The following BAIAP2 variants were observed in gnomAD, a reference collection of about 807,000 sequenced individuals.
BAIAP2 encodes BAR/IMD domain containing adaptor protein 2.
BAIAP2 carries 18 observed loss-of-function variants against 63.0 expected under a neutral mutation model. That is an observed-to-expected ratio of 0.29 (90% CI 0.20 to 0.42). The LOEUF is 0.42. Among genes scored for constraint, BAIAP2 ranks in the 10% least tolerant of loss-of-function variants. BAIAP2 has a pLI of 1.00. For missense variants in BAIAP2, 610 were observed against 734.3 expected (o/e 0.83, Z 1.96); for synonymous variants, 386 against 307.6 (o/e 1.25, Z -2.67).
intron 4 of BAIAP2, chr17:81,085,117 A>G: frequency 1.7e-6 from 1 of 589,758 alleles, no homozygotes; most frequent in South Asian, 2.0e-5. Context: ...CTGCAGTGGC[A>G]GCCATGACAC....
At chr17:81,103,873 C>T (rs752098024) in intron 8 of BAIAP2, 34 bp from the exon 9 acceptor site, 8 of 1,609,630 alleles carry the variant, frequency 5.0e-6, no homozygotes, top group Non-Finnish European at 6.8e-6. Context: ...GGGGTGGGCT[C>T]CAGCAACAGC....
intron 6 of BAIAP2, among the ~76,000 whole-genome samples, chr17:81,091,166 A>G (rs1166770779): frequency 2.2e-3 from 207 of 95,064 alleles, no homozygotes; most frequent in Non-Finnish European, 3.7e-3. Flanking sequence ...CCTCCAGTGC[A>G]CCCCACCCCC....
At position 81,109,796 on chromosome 17, in the gene BAIAP2, C is replaced by T. The variant is rs530288712; in HGVS notation, c.1535+1287C>T. ...TGGCCGCACACGGACATTCCAAAGA[C>T]CTCCAGAGACCACCCCACCCCCACA... On this transcript the variant is annotated intron_variant, in intron 13 of 13. Coordinates refer to ENST00000428708, the MANE Select transcript of BAIAP2 (RefSeq NM_001144888.2). The T allele has an allele frequency of 9.1e-6, 9 of 985,436 alleles. 1 individual carries two copies. Among genetic ancestry groups the T allele is most frequent in the East Asian group, 1.1e-4 (1 of 8,818 alleles). The allele number at this position is 985,436 out of a possible 1,614,324, so 61.0% of individuals were successfully genotyped here.
At chr17:81,112,571 C>T (rs922622715) in intron 13 of BAIAP2, among the ~76,000 whole-genome samples, 2 of 152,240 alleles carry the variant, frequency 1.3e-5, no homozygotes, top group African/African-American at 4.8e-5. Flanking sequence ...CCCAAGCGCC[C>T]ACGCTGGACC....
intron 3 of BAIAP2, among the ~76,000 whole-genome samples, chr17:81,071,071 C>T (rs560276446): frequency 1.2e-4 from 18 of 151,542 alleles, no homozygotes; most frequent in African/African-American, 3.9e-4. Context: ...CGTCAGCTAC[C>T]GTCATCACCA....
At position 81,046,307 on chromosome 17, in the gene BAIAP2, G is replaced by T. The variant is rs558780408; in HGVS notation, c.55-7361G>T. Among the ~76,000 whole-genome samples the T allele has an allele frequency of 1.5e-3, 227 of 152,148 alleles. No individual in the cohort carries two copies. The highest frequency in any genetic ancestry group is 5.3e-3 in the African/African-American group (220 of 41,502). ...GTACATGTGTTTGTAGTTTGTCTCC[G>T]ACTCAAACCAAGTAAGATGCAGTTC... On this transcript the variant is annotated intron_variant, in intron 1 of 13. Transcript: ENST00000428708. This position sits in a 1 kb window ranked among gnomAD's most constrained non-coding sequence, Gnocchi z 4.5.
chr17:81,069,900 A>G (rs118001767), intron 3 of BAIAP2, among the ~76,000 whole-genome samples: 1,600 of 152,146 alleles, frequency 0.011, 24 homozygotes, highest in Non-Finnish European at 0.016. Context: ...TTGGAGATGC[A>G]CTTGTTGTAC....
intron 2 of BAIAP2, chr17:81,057,293 G>C (rs573147629): frequency 6.6e-6 from 1 of 152,410 alleles, no homozygotes; most frequent in African/African-American, 2.4e-5. Flanking sequence ...AGCAGGCCCG[G>C]AGCCCTTCAC....
intron 1 of BAIAP2, among the ~76,000 whole-genome samples, chr17:81,052,693 G>A (rs912218635): frequency 7.2e-5 from 11 of 152,168 alleles, no homozygotes; most frequent in Non-Finnish European, 1.6e-4. Context: ...CTGTTCTCTT[G>A]GCTTCGGAGG....
chr17:81,093,860 A>T (rs2057211951), intron 6 of BAIAP2, among the ~76,000 whole-genome samples: 1 of 152,176 alleles, frequency 6.6e-6, no homozygotes, highest in Non-Finnish European at 1.5e-5. Context: ...GAGTCTGGCG[A>T]CGTGCGGGGG....
At position 81,108,743 on chromosome 17, in the gene BAIAP2, C is replaced by T. The variant is rs143878124; in HGVS notation, c.1535+234C>T. 1.4e-4 allele frequency: 123 copies of T among 881,034 alleles called. No homozygotes were observed. The East Asian group carries it at 3.3e-3, about 23-fold the overall frequency. 54.6% of individuals were successfully genotyped at this position (881,034 alleles called of 1,614,324 possible). A position where few individuals can be genotyped will look rare whatever the true frequency, so the allele number is the denominator to read the frequency against. Reference sequence around the variant, plus strand: ...ATCGCATCTGGCCGGCCCCATCCATCCCTGTCAGGCAAGGTTGGGGAGGGT... The same window carrying T: ...ATCGCATCTGGCCGGCCCCATCCATTCCTGTCAGGCAAGGTTGGGGAGGGT... On this transcript the variant is annotated intron_variant, in intron 13 of 13. Coordinates refer to ENST00000428708, the MANE Select transcript of BAIAP2 (RefSeq NM_001144888.2).
At chr17:81,099,503 C>G (rs2058201789) in intron 6 of BAIAP2, among the ~76,000 whole-genome samples, 1 of 152,162 alleles carries the variant, frequency 6.6e-6, no homozygotes, top group South Asian at 2.1e-4. Context: ...CTCCAGGCAA[C>G]AGGGGGAAGG....
At chr17:81,081,500 T>C (rs1332250252) in intron 3 of BAIAP2, among the ~76,000 whole-genome samples, 1 of 152,134 alleles carries the variant, frequency 6.6e-6, no homozygotes, top group African/African-American at 2.4e-5. Flanking sequence ...TTCCCTCTCT[T>C]GTGGGGTCTG....
intron 13 of BAIAP2, chr17:81,110,289 C>T: frequency 1.0e-6 from 1 of 986,048 alleles, no homozygotes; most frequent in South Asian, 4.7e-5. Flanking sequence ...CGGACCGGGC[C>T]CTGTGTAGAG....
intron 3 of BAIAP2, among the ~76,000 whole-genome samples, chr17:81,065,675 G>A (rs530565003): frequency 1.3e-5 from 2 of 152,256 alleles, no homozygotes; most frequent in African/African-American, 4.8e-5. Flanking sequence ...GAGGCTGGGC[G>A]CACAGAGCTG....
At chr17:81,103,437 G>T in intron 7 of BAIAP2, 65 bp from the exon 8 acceptor site, 2 of 1,447,388 alleles carry the variant, frequency 1.4e-6, no homozygotes, top group South Asian at 1.2e-5. Context: ...GGCCCTCAGC[G>T]CTGTGCCTGG....
In BAIAP2 at chr17:81,046,422, A is replaced by G. The variant is rs2047814802; in HGVS notation, c.55-7246A>G. Among the ~76,000 whole-genome samples, 1 of 151,966 alleles carries G rather than the reference A, an allele frequency of 6.6e-6. No individual in the cohort carries two copies. Among genetic ancestry groups the G allele is most frequent in the Non-Finnish European group, 1.5e-5 (1 of 67,954 alleles). On this transcript the variant is annotated intron_variant, in intron 1 of 13. Transcript: ENST00000428708. The surrounding 1 kb of genome is among the most constrained non-coding windows in gnomAD (Gnocchi z 4.5). ...AAGGATCCTCCAGGACAGATGTCCA[A>G]GTGTTTAGAGGGGACAGGACTGTCC...
intron 3 of BAIAP2, among the ~76,000 whole-genome samples, chr17:81,067,146 G>A (rs1212639298): frequency 2.6e-5 from 4 of 152,136 alleles, no homozygotes; most frequent in African/African-American, 9.7e-5. Context: ...CGCTTGCTCC[G>A]ACCTGCCTGT....
At chr17:81,110,572 G>A (rs1386742654) in intron 13 of BAIAP2, 11 of 1,175,318 alleles carry the variant, frequency 9.4e-6, no homozygotes, top group Non-Finnish European at 1.2e-5. Flanking sequence ...TGGGGGCCCC[G>A]CCTTGTGCCC....
Sources: gnomAD v4.1 joint callset for allele counts (sites outside exome capture counted in the v4.1 genomes callset) on GRCh38, gnomAD v4.1.1 for gene constraint, Gnocchi (gnomAD v3.1) non-coding constraint, MANE v1.5 for transcripts, NCBI Gene and HGNC (gene_info 2026-07-23, HGNC 2026-07-21) for gene names.